TMCC1: variants seen among roughly 807,000 people sequenced by gnomAD.
TMCC1 encodes transmembrane and coiled-coil domain family 1.
Under a neutral mutation model 52.4 loss-of-function variants are expected in TMCC1, and 15 were observed. The ratio of observed to expected loss-of-function variants is 0.29; its 90% confidence interval spans 0.19 to 0.44. The LOEUF (loss-of-function observed/expected upper bound fraction) is 0.44. Among genes scored for constraint, TMCC1 ranks in the 20% least tolerant of loss-of-function variants. The pLI is 1.00. For missense variants in TMCC1, 503 were observed against 806.0 expected, an observed-to-expected ratio of 0.62 and a Z score of 4.55; for synonymous variants, 279 against 301.9, an observed-to-expected ratio of 0.92 and a Z score of 0.79.
chr3:129,813,721 A>C (rs569747632), intron 4 of TMCC1, among the ~76,000 whole-genome samples: 1 of 152,168 alleles, frequency 6.6e-6, no homozygotes, highest in Admixed American at 6.6e-5. Flanking sequence ...GTAATGAAAT[A>C]ATTTGTACAA....
intron 4 of TMCC1, among the ~76,000 whole-genome samples, chr3:129,761,676 C>T (rs991627612): frequency 6.6e-6 from 1 of 152,034 alleles, no homozygotes; most frequent in Non-Finnish European, 1.5e-5. Flanking sequence ...ACAAGAGACT[C>T]CAAGAATAGA....
At chr3:129,851,162 TAAATA>T (rs1407229055) in intron 2 of TMCC1, among the ~76,000 whole-genome samples, 1 of 142,862 alleles carries the variant, frequency 7.0e-6, no homozygotes, top group Non-Finnish European at 1.6e-5. Context: ...CAGAAGCACA[TAAATA>T]AATCAGTACA....
chr3:129,748,247 A>C (rs2052160283), intron 4 of TMCC1, among the ~76,000 whole-genome samples: 1 of 152,138 alleles, frequency 6.6e-6, no homozygotes. Flanking sequence ...CTTGCCATTC[A>C]GTTCTTGCCT....
chr3:129,846,441 C>T (rs528109540), intron 2 of TMCC1, among the ~76,000 whole-genome samples: 5 of 152,242 alleles, frequency 3.3e-5, no homozygotes, highest in South Asian at 2.1e-4. Flanking sequence ...GAAATGGTTT[C>T]GAAGGTAACA....
At chr3:129,865,870 G>T (rs917951995) in intron 2 of TMCC1, among the ~76,000 whole-genome samples, 1 of 152,188 alleles carries the variant, frequency 6.6e-6, no homozygotes, top group Non-Finnish European at 1.5e-5. Flanking sequence ...AAATGCCAAT[G>T]ACTTTGGTAG....
At chr3:129,700,710 C>T (rs559008474) in intron 4 of TMCC1, among the ~76,000 whole-genome samples, 4 of 151,104 alleles carry the variant, frequency 2.6e-5, no homozygotes, top group Non-Finnish European at 5.9e-5. Flanking sequence ...CTCCTGACCT[C>T]GTGATCTGCC....
chr3:129,716,978 C>T (rs1363593270), intron 4 of TMCC1, among the ~76,000 whole-genome samples: 2 of 152,182 alleles, frequency 1.3e-5, no homozygotes, highest in Non-Finnish European at 2.9e-5. Context: ...ATAACAAATG[C>T]TATTTATTAA....
Position 129,807,910 on chromosome 3 carries a change from T to C in TMCC1, c.576+19893A>G, listed in dbSNP as rs377231668. 4.6e-5 allele frequency among the ~76,000 whole-genome samples: 7 copies of C among 152,162 alleles called. No individual in the cohort carries two copies. In the East Asian group the frequency reaches 1.4e-3, roughly 29 times the overall value. ...GATATGAAATCAAGGAACCAAAGAA[T>C]GTTATTTATTAATAGATTAAGGAGT... On this transcript the variant is annotated intron_variant, in intron 4 of 6. Transcript: ENST00000393238.
chr3:129,660,923 C>A (rs2086982600), intron 5 of TMCC1, among the ~76,000 whole-genome samples: 1 of 152,134 alleles, frequency 6.6e-6, no homozygotes, highest in Admixed American at 6.5e-5. Context: ...GGACTACAGA[C>A]CTGTGCCATT....
At chr3:129,785,615 AAGG>A (rs1162669737) in intron 4 of TMCC1, among the ~76,000 whole-genome samples, 3 of 109,780 alleles carry the variant, frequency 2.7e-5, no homozygotes, top group Admixed American at 9.1e-5. Context: ...ACACACACAG[AAGG>A]AGTAGTTACA....
intron 4 of TMCC1, among the ~76,000 whole-genome samples, chr3:129,778,976 G>A (rs568403811): frequency 7.9e-5 from 12 of 152,038 alleles, no homozygotes; most frequent in Admixed American, 3.3e-4. Flanking sequence ...CCCTAACAGG[G>A]GTTTTGTTTT....
At chr3:129,723,354 CTTT>C (rs2049786409) in intron 4 of TMCC1, among the ~76,000 whole-genome samples, 1 of 112,900 alleles carries the variant, frequency 8.9e-6, no homozygotes, top group African/African-American at 3.8e-5. Flanking sequence ...ACTAAGAAAT[CTTT>C]TTCTTTTTTT....
chr3:129,764,951 G>A lies in TMCC1; in HGVS notation c.576+62852C>T, dbSNP rs146339138. On this transcript the variant is annotated intron_variant, in intron 4 of 6. Coordinates refer to ENST00000393238, the MANE Select transcript of TMCC1 (RefSeq NM_001017395.5). ...CAAGTAGCTGGGACCACAGGCACACGCCACCATACCCAGCTAATTTTTAAT... is the reference window on the plus strand; with the variant it reads ...CAAGTAGCTGGGACCACAGGCACACACCACCATACCCAGCTAATTTTTAAT... 4.6e-3 allele frequency among the ~76,000 whole-genome samples: 692 copies of A among 150,178 alleles called. 7 individuals are homozygous for A. The highest frequency in any genetic ancestry group is 0.016 in the African/African-American group (644 of 40,950).
chr3:129,750,983 T>G (rs959842964), intron 4 of TMCC1, among the ~76,000 whole-genome samples: 6 of 152,046 alleles, frequency 3.9e-5, no homozygotes, highest in African/African-American at 1.4e-4. Flanking sequence ...GCAGATCGCT[T>G]GAGCCCAAGA....
intron 4 of TMCC1, among the ~76,000 whole-genome samples, chr3:129,747,018 T>C (rs2052041228): frequency 1.3e-5 from 2 of 152,212 alleles, no homozygotes; most frequent in African/African-American, 4.8e-5. Flanking sequence ...GCTGTGAAAA[T>C]GAATCAATGT....
At chr3:129,693,257 C>A (rs535281636) in intron 4 of TMCC1, among the ~76,000 whole-genome samples, 1 of 152,076 alleles carries the variant, frequency 6.6e-6, no homozygotes, top group Non-Finnish European at 1.5e-5. Flanking sequence ...TCTTAGAGAG[C>A]ACAATAATTC....
At chr3:129,862,073 T>C (rs976225192) in intron 2 of TMCC1, among the ~76,000 whole-genome samples, 1 of 152,200 alleles carries the variant, frequency 6.6e-6, no homozygotes, top group African/African-American at 2.4e-5. Context: ...AATGTATAAA[T>C]GTTGAAATTA....
intron 4 of TMCC1, among the ~76,000 whole-genome samples, chr3:129,682,109 A>G (rs1359351342): frequency 1.3e-5 from 2 of 151,912 alleles, no homozygotes; most frequent in African/African-American, 2.4e-5. Context: ...TTATCTGACA[A>G]ATTATCTGGA....
chr3:129,841,177 T>G lies in TMCC1; in HGVS notation c.-183-8351A>C, dbSNP rs574707639. ...CCTTAGCAAACAGACTGGTGGCATT[T>G]TGTCCCTGCCCTAGAGATCTGCGGA... On this transcript the variant is annotated intron_variant, in intron 2 of 6. Coordinates refer to ENST00000393238, the MANE Select transcript of TMCC1 (RefSeq NM_001017395.5). 1.8e-4 allele frequency among the ~76,000 whole-genome samples: 28 copies of G among 152,330 alleles called. No individual in the cohort carries two copies. The South Asian group carries it at 5.2e-3, about 28-fold the overall frequency.
Sources: gnomAD v4.1 joint callset for allele counts (sites outside exome capture counted in the v4.1 genomes callset) on GRCh38, gnomAD v4.1.1 for gene constraint, MANE v1.5 for transcripts, NCBI Gene and HGNC (gene_info 2026-07-23, HGNC 2026-07-21) for gene names.